The following CAPNS2 variants were observed in gnomAD, a reference collection of about 807,000 sequenced individuals.
CAPNS2 encodes the protein calpain small subunit 2, also known as calcium-dependent protease small subunit 2.
Under a neutral mutation model 17.5 loss-of-function variants are expected in CAPNS2, and 13 were observed. That is an observed-to-expected ratio of 0.74 (90% CI 0.48 to 1.18). CAPNS2 has a LOEUF of 1.18. CAPNS2 is among the 50% of genes most tolerant of loss of function. CAPNS2 has a pLI of 0.00. For missense variants in CAPNS2, 279 were observed against 301.6 expected, an observed-to-expected ratio of 0.93 and a Z score of 0.55; for synonymous variants, 101 against 108.2, an observed-to-expected ratio of 0.93 and a Z score of 0.41.
At position 55,566,794 on chromosome 16, in the gene CAPNS2, G is replaced by A. The variant is rs778611244; in HGVS notation, c.38G>A (p.Arg13Gln). Residue 13 changes from arginine to glutamine, a missense_variant, in exon 1 of 1, where the codon CGA becomes CAA. Physicochemically the swap from Arg to Gln is conservative, Grantham distance 43 (BLOSUM62 1). Coordinates refer to ENST00000457326, the MANE Select transcript of CAPNS2 (RefSeq NM_032330.3). ...AAGGCTCTATTGGAAGGAGCAGATCGAGGTCTTGGAGAAGCTCTTGGAGGC... is the reference window on the plus strand; with the variant it reads ...AAGGCTCTATTGGAAGGAGCAGATCAAGGTCTTGGAGAAGCTCTTGGAGGC... ...LAKALLEGAD[R>Q]GLGEALGGLF... 9.3e-6 allele frequency: 15 copies of A among 1,613,596 alleles called. No homozygotes were observed. The highest frequency in any genetic ancestry group is 8.3e-5 in the Admixed American group (5 of 59,902).
At position 55,566,793 on chromosome 16, in the gene CAPNS2, C is replaced by G; in HGVS notation, c.37C>G (p.Arg13Gly). Residue 13 changes from arginine to glycine, a missense_variant, in exon 1 of 1, where the codon CGA becomes GGA. Arg to Gly is a moderately radical substitution (Grantham distance 125). Coordinates refer to ENST00000457326, the MANE Select transcript of CAPNS2 (RefSeq NM_032330.3). The stretch of plus-strand genomic sequence containing the variant: ...AAAGGCTCTATTGGAAGGAGCAGAT[C>G]GAGGTCTTGGAGAAGCTCTTGGAGG... ...LAKALLEGAD[R>G]GLGEALGGLF... 6.2e-7 allele frequency: 1 copy of G among 1,613,532 alleles called. No homozygotes were observed. The highest frequency in any genetic ancestry group is 2.2e-5 in the East Asian group (1 of 44,860).
Position 55,566,907 on chromosome 16 carries a change from G to A in CAPNS2, c.151G>A (p.Ala51Thr), listed in dbSNP as rs750778469. Residue 51 changes from alanine to threonine, a missense_variant, in exon 1 of 1, where the codon GCT becomes ACT. Ala to Thr is a moderately conservative substitution (Grantham distance 58). Coordinates refer to ENST00000457326, the MANE Select transcript of CAPNS2 (RefSeq NM_032330.3). ...AGGAATTGTGAATTTTATCAGTGAG[G>A]CTGCAGCAGCTCAGTATACTCCAGA... ...VGGIVNFISE[A>T]AAAQYTPEPP... 6.2e-7 allele frequency: 1 copy of A among 1,613,840 alleles called. No individual in the cohort carries two copies. The highest frequency in any genetic ancestry group is 8.5e-7 in the Non-Finnish European group (1 of 1,179,852).
chr16:55,566,839 A>C lies in CAPNS2; in HGVS notation c.83A>C (p.Gln28Pro). The C allele has an allele frequency of 1.9e-6, 3 of 1,613,874 alleles. No homozygotes were observed. Among genetic ancestry groups the C allele is most frequent in the Non-Finnish European group, 2.5e-6 (3 of 1,179,848 alleles). ...GGAGGCCTCTTTGGAGGAGGTGGTC[A>C]GAGAAGAGAAGGAGGAGGAAGAAAT... ...ALGGLFGGGG[Q>P]RREGGGRNIG... The change falls in exon 1 of 1, where the codon CAG (glutamine) becomes CCG (proline). Residue 28 changes from glutamine to proline, a missense_variant. Physicochemically the swap from Gln to Pro is moderately conservative, Grantham distance 76. Coordinates refer to ENST00000457326, the MANE Select transcript of CAPNS2 (RefSeq NM_032330.3).
At position 55,567,395 on chromosome 16, in the gene CAPNS2, G is replaced by A. The variant is rs1470949970; in HGVS notation, c.639G>A (p.Leu213=). 2 of 1,613,824 alleles carry A rather than the reference G, an allele frequency of 1.2e-6. No homozygotes were observed. Among genetic ancestry groups the A allele is most frequent in the African/African-American group, 2.7e-5 (2 of 75,034 alleles). ...DMDFNNFISC[L]VRLDAMFRAF... is the part of the protein sequence containing the mutation. Reference sequence around the variant, plus strand: ...ATTTTAACAATTTCATCAGCTGCTTGGTCCGCCTGGATGCCATGTTTCGTG... The same window carrying A: ...ATTTTAACAATTTCATCAGCTGCTTAGTCCGCCTGGATGCCATGTTTCGTG... The change falls in exon 1 of 1, where the codon TTG becomes TTA. Residue 213 remains leucine, a synonymous_variant. Transcript: ENST00000457326.
chr16:55,567,420 G>T lies in CAPNS2; in HGVS notation c.664G>T (p.Ala222Ser). ...CLVRLDAMFR[A>S]FKSLDRDRDG... ...GGTCCGCCTGGATGCCATGTTTCGTGCCTTCAAGTCTCTGGATAGAGATAG... is the reference window on the plus strand; with the variant it reads ...GGTCCGCCTGGATGCCATGTTTCGTTCCTTCAAGTCTCTGGATAGAGATAG... Residue 222 changes from alanine (A) to serine (S), a missense_variant, in exon 1 of 1, where the codon GCC (alanine) becomes TCC (serine). Physicochemically the swap from Ala to Ser is moderately conservative, Grantham distance 99 (BLOSUM62 1). Coordinates refer to ENST00000457326, the MANE Select transcript of CAPNS2 (RefSeq NM_032330.3). The T allele has an allele frequency of 6.2e-7, 1 of 1,613,830 alleles. No individual in the cohort carries two copies. The highest frequency in any genetic ancestry group is 8.5e-7 in the Non-Finnish European group (1 of 1,179,814).
At position 55,567,578 on chromosome 16, in the gene CAPNS2, A is replaced by G; in HGVS notation, c.*75A>G. 4 of 1,445,378 alleles carry G rather than the reference A, an allele frequency of 2.8e-6. No homozygotes were observed. The allele number at this position is 1,445,378 out of a possible 1,614,324, so 89.5% of individuals were successfully genotyped here. A position where few individuals can be genotyped will look rare whatever the true frequency, so the allele number is the denominator to read the frequency against. On this transcript the variant is annotated 3_prime_UTR_variant, in exon 1 of 1. Coordinates refer to ENST00000457326, the MANE Select transcript of CAPNS2 (RefSeq NM_032330.3). ...CTTGCCAAGCTGTACACAGTTGCTG[A>G]TACCCTGTGCAACAGCTCTCATTTC...
chr16:55,566,852 A>G lies in CAPNS2; in HGVS notation c.96A>G (p.Gly32=), dbSNP rs1235510320. Residue 32 remains glycine (G), a synonymous_variant, in exon 1 of 1, where the codon GGA becomes GGG. Transcript: ENST00000457326. ...LFGGGGQRRE[G]GGRNIGGIVG... is the part of the protein sequence containing the mutation. Reference sequence around the variant, plus strand: ...GAGGAGGTGGTCAGAGAAGAGAAGGAGGAGGAAGAAATATTGGAGGGATAG... The same window carrying G: ...GAGGAGGTGGTCAGAGAAGAGAAGGGGGAGGAAGAAATATTGGAGGGATAG... 1 of 1,613,878 alleles carries G rather than the reference A, an allele frequency of 6.2e-7. No individual in the cohort carries two copies. Among genetic ancestry groups the G allele is most frequent in the Non-Finnish European group, 8.5e-7 (1 of 1,179,872 alleles).
In CAPNS2 at chr16:55,567,474, G is replaced by T; in HGVS notation, c.718G>T (p.Glu240Ter). 1 of 1,613,656 alleles carries T rather than the reference G, an allele frequency of 6.2e-7. No homozygotes were observed. Among genetic ancestry groups the T allele is most frequent in the Non-Finnish European group, 8.5e-7 (1 of 1,179,730 alleles). ...TGGCCTGATTCAAGTGTCTATCAAA[G>T]AATGGCTGCAGTTGACCATGTATTC... ...RDGLIQVSIK[E>*]WLQLTMYS Residue 240 changes from glutamate to a stop codon, truncating the protein, a stop_gained, in exon 1 of 1, where the codon GAA becomes TAA. Transcript: ENST00000457326. LOFTEE classifies it high-confidence loss of function.
chr16:55,566,739 G>A lies in CAPNS2; in HGVS notation c.-18G>A. 1 of 1,589,074 alleles carries A rather than the reference G, an allele frequency of 6.3e-7. No individual in the cohort carries two copies. Among genetic ancestry groups the A allele is most frequent in the Admixed American group, 1.8e-5 (1 of 55,220 alleles). ...CATCTCTAAGATTGCTGCCGCATTT[G>A]CTTGTTAAACTGAAAGCATGTTTCT... On this transcript the variant is annotated 5_prime_UTR_variant, in exon 1 of 1. Coordinates refer to ENST00000457326, the MANE Select transcript of CAPNS2 (RefSeq NM_032330.3).
chr16:55,566,849 A>G lies in CAPNS2; in HGVS notation c.93A>G (p.Glu31=). The G allele has an allele frequency of 4.3e-6, 7 of 1,613,878 alleles. No individual in the cohort carries two copies. The highest frequency in any genetic ancestry group is 5.9e-6 in the Non-Finnish European group (7 of 1,179,860). The change falls in exon 1 of 1, where the codon GAA becomes GAG. Residue 31 remains glutamate (E), a synonymous_variant. Coordinates refer to ENST00000457326, the MANE Select transcript of CAPNS2 (RefSeq NM_032330.3). ...GLFGGGGQRR[E]GGGRNIGGIV... is the part of the protein sequence containing the mutation. The stretch of plus-strand genomic sequence containing the variant: ...TTGGAGGAGGTGGTCAGAGAAGAGA[A>G]GGAGGAGGAAGAAATATTGGAGGGA...
chr16:55,567,074 A>C lies in CAPNS2; in HGVS notation c.318A>C (p.Lys106Asn), dbSNP rs771978772. The change falls in exon 1 of 1, where the codon AAA (lysine) becomes AAC (asparagine). Residue 106 changes from lysine to asparagine, a missense_variant. By Grantham distance (94) the Lys-to-Asn change is moderately conservative. Transcript: ENST00000457326. ...CTGATCTGATGAATATTCTCAACAA[A>C]GTCCTTTCTAAGCACAAAGATCTTA... ...GATDLMNILNKVLSKHKDLKT... is the reference protein window; with the variant it reads ...GATDLMNILNNVLSKHKDLKT... 1.2e-6 allele frequency: 2 copies of C among 1,613,798 alleles called. No homozygotes were observed. The highest frequency in any genetic ancestry group is 1.7e-6 in the Non-Finnish European group (2 of 1,179,850).
At position 55,567,183 on chromosome 16, in the gene CAPNS2, G is replaced by T. The variant is rs1353990919; in HGVS notation, c.427G>T (p.Glu143Ter). ...CACGACTGGTAAGCTGGGCTTTGAA[G>T]AATTTAAGTATCTGTGGAACAACAT... The part of the protein sequence containing the change: ...SDTTGKLGFE[E>*]FKYLWNNIKK... The change falls in exon 1 of 1, where the codon GAA becomes TAA. Residue 143 changes from glutamate (E) to a stop codon, truncating the protein, a stop_gained. Coordinates refer to ENST00000457326, the MANE Select transcript of CAPNS2 (RefSeq NM_032330.3). LOFTEE classifies it high-confidence loss of function. 3.1e-6 allele frequency: 5 copies of T among 1,613,858 alleles called. No homozygotes were observed. In the South Asian group the frequency reaches 5.5e-5, roughly 18 times the overall value.
chr16:55,567,594 C>T lies in CAPNS2; in HGVS notation c.*91C>T. ...CAGTTGCTGATACCCTGTGCAACAG[C>T]TCTCATTTCCTGGCAAGCTCTTTCA... On this transcript the variant is annotated 3_prime_UTR_variant, in exon 1 of 1. Transcript: ENST00000457326. 1 of 1,293,256 alleles carries T rather than the reference C, an allele frequency of 7.7e-7. No homozygotes were observed. The highest frequency in any genetic ancestry group is 1.1e-6 in the Non-Finnish European group (1 of 930,420). The allele number at this position is 1,293,256 out of a possible 1,614,324, so 80.1% of individuals were successfully genotyped here. A position where few individuals can be genotyped will look rare whatever the true frequency, so the allele number is the denominator to read the frequency against.
rs1305339714 is a variant in CAPNS2 at position 55,567,191 on chromosome 16, G to A, written c.435G>A (p.Lys145=). ...GTAAGCTGGGCTTTGAAGAATTTAA[G>A]TATCTGTGGAACAACATCAAGAAAT... The part of the protein sequence containing the change: ...TTGKLGFEEF[K]YLWNNIKKWQ... The change falls in exon 1 of 1, where the codon AAG becomes AAA. Residue 145 remains lysine (K), a synonymous_variant. Coordinates refer to ENST00000457326, the MANE Select transcript of CAPNS2 (RefSeq NM_032330.3). 6.2e-7 allele frequency: 1 copy of A among 1,613,796 alleles called. No individual in the cohort carries two copies. The highest frequency in any genetic ancestry group is 8.5e-7 in the Non-Finnish European group (1 of 1,179,876).
Position 55,566,783 on chromosome 16 carries a change from A to C in CAPNS2, c.27A>C (p.Glu9Asp). The stretch of plus-strand genomic sequence containing the variant: ...TGTTTCTTGCAAAGGCTCTATTGGA[A>C]GGAGCAGATCGAGGTCTTGGAGAAG... MFLAKALL[E>D]GADRGLGEAL... The change falls in exon 1 of 1, where the codon GAA becomes GAC. Residue 9 changes from glutamate (E) to aspartate (D), a missense_variant. By Grantham distance (45) the Glu-to-Asp change is conservative. Transcript: ENST00000457326. 6.2e-7 allele frequency: 1 copy of C among 1,613,508 alleles called. No homozygotes were observed. Among genetic ancestry groups the C allele is most frequent in the Non-Finnish European group, 8.5e-7 (1 of 1,179,712 alleles).
Position 55,567,344 on chromosome 16 carries a change from G to A in CAPNS2, c.588G>A (p.Arg196=), listed in dbSNP as rs769134727. The part of the protein sequence containing the change: ...NEQLYQMIVR[R]YANEDGDMDF... Reference sequence around the variant, plus strand: ...AACTTTACCAAATGATTGTCCGCCGGTATGCTAATGAAGATGGAGATATGG... The same window carrying A: ...AACTTTACCAAATGATTGTCCGCCGATATGCTAATGAAGATGGAGATATGG... The change falls in exon 1 of 1, where the codon CGG becomes CGA. Residue 196 remains arginine (R), a synonymous_variant. Coordinates refer to ENST00000457326, the MANE Select transcript of CAPNS2 (RefSeq NM_032330.3). 1.9e-6 allele frequency: 3 copies of A among 1,613,550 alleles called. No individual in the cohort carries two copies. The highest frequency in any genetic ancestry group is 2.5e-6 in the Non-Finnish European group (3 of 1,179,838).
chr16:55,567,608 C>T lies in CAPNS2; in HGVS notation c.*105C>T, dbSNP rs190607527. On this transcript the variant is annotated 3_prime_UTR_variant, in exon 1 of 1. Transcript: ENST00000457326. ...CTGTGCAACAGCTCTCATTTCCTGGCAAGCTCTTTCACAACCCTACATATT... is the reference window on the plus strand; with the variant it reads ...CTGTGCAACAGCTCTCATTTCCTGGTAAGCTCTTTCACAACCCTACATATT... 8 of 1,136,602 alleles carry T rather than the reference C, an allele frequency of 7.0e-6. No homozygotes were observed. In the East Asian group the frequency reaches 1.7e-4, roughly 24 times the overall value. 70.4% of individuals were successfully genotyped at this position (1,136,602 alleles called of 1,614,324 possible). A position where few individuals can be genotyped will look rare whatever the true frequency, so the allele number is the denominator to read the frequency against.
chr16:55,567,200 G>A lies in CAPNS2; in HGVS notation c.444G>A (p.Trp148Ter). Reference protein sequence around the residue: ...KLGFEEFKYLWNNIKKWQCVY... With the variant: ...KLGFEEFKYL The stretch of plus-strand genomic sequence containing the variant: ...GCTTTGAAGAATTTAAGTATCTGTG[G>A]AACAACATCAAGAAATGGCAGTGTG... Residue 148 changes from tryptophan (W) to a stop codon, truncating the protein, a stop_gained, in exon 1 of 1, where the codon TGG becomes TGA. Transcript: ENST00000457326. LOFTEE classifies it high-confidence loss of function. 2 of 1,613,820 alleles carry A rather than the reference G, an allele frequency of 1.2e-6. No individual in the cohort carries two copies. The highest frequency in any genetic ancestry group is 1.7e-6 in the Non-Finnish European group (2 of 1,179,852).
chr16:55,567,616 T>C lies in CAPNS2; in HGVS notation c.*113T>C. On this transcript the variant is annotated 3_prime_UTR_variant, in exon 1 of 1. Transcript: ENST00000457326. ...CAGCTCTCATTTCCTGGCAAGCTCT[T>C]TCACAACCCTACATATTTCTGATCA... 1 of 1,029,178 alleles carries C rather than the reference T, an allele frequency of 9.7e-7. No individual in the cohort carries two copies. The highest frequency in any genetic ancestry group is 1.4e-6 in the Non-Finnish European group (1 of 693,218). The allele number at this position is 1,029,178 out of a possible 1,614,324, so 63.8% of individuals were successfully genotyped here.
Sources: allele counts gnomAD v4.1 joint callset, GRCh38; gene constraint gnomAD v4.1.1; transcripts MANE v1.5; gene names NCBI Gene and HGNC (gene_info 2026-07-23, HGNC 2026-07-21).